The following EXOSC7 variants were observed in gnomAD, a reference collection of about 807,000 sequenced individuals.
EXOSC7 encodes exosome component 7.
A neutral mutation model predicts 34.3 loss-of-function variants in EXOSC7; 25 were observed. That is an observed-to-expected ratio of 0.73 (90% CI 0.53 to 1.02). The LOEUF is 1.02. Among genes scored for constraint, EXOSC7 ranks in the 50% least tolerant of loss-of-function variants. The pLI is 0.00. For missense variants in EXOSC7, 370 were observed against 368.5 expected (o/e 1.00, Z -0.03); for synonymous variants, 130 against 143.0 (o/e 0.91, Z 0.65).
At chr3:45,004,579 T>G (rs1194913086) in intron 5 of EXOSC7, 1 of 151,412 alleles carries the variant, frequency 6.6e-6, no homozygotes, top group African/African-American at 2.4e-5. Context: ...GTTTTTTTTT[T>G]TAATAGTTAT....
Position 44,987,092 on chromosome 3 carries a change from TAAAAA to T in EXOSC7, c.58-2036_58-2032del, listed in dbSNP as rs34686659. 2.9e-5 allele frequency among the ~76,000 whole-genome samples: 4 copies of T among 136,230 alleles called. No homozygotes were observed. The Admixed American group carries it at 2.9e-4, about 10-fold the overall frequency. The allele number at this position is 136,230 out of a possible 152,430, so 89.4% of individuals were successfully genotyped here. A position where few individuals can be genotyped will look rare whatever the true frequency, so the allele number is the denominator to read the frequency against. ...TTCCTGCATATATATAGTTAAGTGTTAAAAAAAAAAAAAAAAGTAAGAGTATCTAT... is the reference window on the plus strand; with the variant it reads ...TTCCTGCATATATATAGTTAAGTGTTAAAAAAAAAAAGTAAGAGTATCTAT... On this transcript the variant is annotated intron_variant, in intron 1 of 7. Coordinates refer to ENST00000265564, the MANE Select transcript of EXOSC7 (RefSeq NM_015004.4).
chr3:44,976,393 G>A (rs987020796), intron 1 of EXOSC7, 59 bp downstream of exon 1: 110 of 1,467,564 alleles, frequency 7.5e-5, no homozygotes, highest in Middle Eastern at 5.2e-4. Context: ...TGCGGGTCGC[G>A]GCCTGCCCTG....
At chr3:45,000,544 T>C (rs1427269479) in intron 4 of EXOSC7, among the ~76,000 whole-genome samples, 1 of 152,236 alleles carries the variant, frequency 6.6e-6, no homozygotes, top group Non-Finnish European at 1.5e-5. Context: ...GTGCTCTAAT[T>C]TTCCCTGCTA....
intron 4 of EXOSC7, among the ~76,000 whole-genome samples, chr3:44,999,926 C>G (rs563314965): frequency 2.0e-4 from 30 of 152,328 alleles, no homozygotes; most frequent in African/African-American, 7.2e-4. Context: ...TTTTTACCAA[C>G]TGGTCTGGTT....
chr3:44,989,377 G>T (rs2271926), intron 2 of EXOSC7, 136 bp downstream of exon 2: 79,670 of 820,038 alleles, frequency 0.097, 4,441 homozygotes, highest in South Asian at 0.15. Flanking sequence ...ACTCAGGGAG[G>T]GGGGGTCTAT....
At chr3:44,989,302 G>A (rs774508936) in intron 2 of EXOSC7, 61 bp downstream of exon 2, 3 of 1,247,176 alleles carry the variant, frequency 2.4e-6, no homozygotes, top group African/African-American at 3.0e-5. Context: ...TAAGGAATGA[G>A]CTGCTGACGC....
At chr3:44,988,056 C>G (rs143264783) in intron 1 of EXOSC7, among the ~76,000 whole-genome samples, 306 of 152,288 alleles carry the variant, frequency 2.0e-3, no homozygotes, top group African/African-American at 6.8e-3. Context: ...AAATAATACT[C>G]CAACAGCAAT....
At chr3:44,991,561 A>G (rs1706573843) in intron 3 of EXOSC7, among the ~76,000 whole-genome samples, 2 of 152,192 alleles carry the variant, frequency 1.3e-5, no homozygotes. Context: ...CACACCAAAG[A>G]GAGGGTGTTG....
At chr3:45,003,681 A>G (rs1706948955) in intron 5 of EXOSC7, among the ~76,000 whole-genome samples, 1 of 152,156 alleles carries the variant, frequency 6.6e-6, no homozygotes, top group Non-Finnish European at 1.5e-5. Context: ...TATAGGTTAA[A>G]TGTGTTTTTC....
At chr3:44,986,648 G>T (rs1199558305) in intron 1 of EXOSC7, among the ~76,000 whole-genome samples, 1 of 152,246 alleles carries the variant, frequency 6.6e-6, no homozygotes, top group African/African-American at 2.4e-5. Context: ...CTGCCAGCAC[G>T]CTGTCACCTC....
intron 7 of EXOSC7, among the ~76,000 whole-genome samples, chr3:45,010,683 T>C (rs1019790078): frequency 3.9e-5 from 6 of 152,232 alleles, no homozygotes; most frequent in African/African-American, 1.2e-4. Context: ...TCACTGCCTT[T>C]AGCATCTCAG....
At chr3:44,986,554 C>T (rs759794541) in intron 1 of EXOSC7, among the ~76,000 whole-genome samples, 2 of 152,224 alleles carry the variant, frequency 1.3e-5, no homozygotes, top group East Asian at 1.9e-4. Context: ...CGCAGTGCAG[C>T]GGCGGGCTGA....
At chr3:44,988,698 G>A (rs1706486529) in intron 1 of EXOSC7, among the ~76,000 whole-genome samples, 1 of 152,208 alleles carries the variant, frequency 6.6e-6, no homozygotes, top group Non-Finnish European at 1.5e-5. Flanking sequence ...ATCTTGTTGA[G>A]TTTTAGGGGT....
chr3:44,976,940 G>A (rs1419355578), intron 1 of EXOSC7, among the ~76,000 whole-genome samples: 1 of 152,160 alleles, frequency 6.6e-6, no homozygotes, highest in East Asian at 1.9e-4. Flanking sequence ...TTAGCTGGGC[G>A]TGGTGGCGCA....
At chr3:45,002,853 C>G (rs1210054500) in intron 5 of EXOSC7, among the ~76,000 whole-genome samples, 1 of 152,164 alleles carries the variant, frequency 6.6e-6, no homozygotes, top group Admixed American at 6.5e-5. Context: ...GAGCCTGGCA[C>G]TCTTGGCCAC....
intron 3 of EXOSC7, among the ~76,000 whole-genome samples, chr3:44,993,063 A>G (rs1251998043): frequency 1.3e-5 from 2 of 152,118 alleles, no homozygotes; most frequent in African/African-American, 4.8e-5. Context: ...AGTGCTGCTA[A>G]AGGGGACACT....
At chr3:44,982,899 G>C (rs1190445581) in intron 1 of EXOSC7, among the ~76,000 whole-genome samples, 2 of 152,238 alleles carry the variant, frequency 1.3e-5, no homozygotes, top group Non-Finnish European at 2.9e-5. Context: ...ACTTTTGCCT[G>C]CTGTGTGATG....
At chr3:44,993,902 A>G (rs1342095308) in intron 3 of EXOSC7, among the ~76,000 whole-genome samples, 2 of 152,206 alleles carry the variant, frequency 1.3e-5, no homozygotes, top group East Asian at 3.8e-4. Flanking sequence ...TTTGTTGTCT[A>G]GTGATAAGTT....
At position 45,005,466 on chromosome 3, in the gene EXOSC7, C is replaced by T. The variant is rs200072565; in HGVS notation, c.615+52C>T. On this transcript the variant is annotated intron_variant, in intron 6 of 7. Coordinates refer to ENST00000265564, the MANE Select transcript of EXOSC7 (RefSeq NM_015004.4). Reference sequence around the variant, plus strand: ...TCTTCCCTGTGGGTGTGGGTCTCCTCTAATCCCAACCTGCTGAGGTTACTT... The same window carrying T: ...TCTTCCCTGTGGGTGTGGGTCTCCTTTAATCCCAACCTGCTGAGGTTACTT... 6.5e-4 allele frequency: 1,031 copies of T among 1,579,120 alleles called. 3 individuals are homozygous for T. In the Middle Eastern group the frequency reaches 0.015, roughly 23 times the overall value.
Sources: gnomAD v4.1 joint callset for allele counts (sites outside exome capture counted in the v4.1 genomes callset) on GRCh38, gnomAD v4.1.1 for gene constraint, MANE v1.5 for transcripts, NCBI Gene and HGNC (gene_info 2026-07-23, HGNC 2026-07-21) for gene names.